The following USP3 variants were observed in gnomAD, a reference collection of about 807,000 sequenced individuals.
USP3 encodes ubiquitin carboxyl-terminal hydrolase 3.
Under a neutral mutation model 72.3 loss-of-function variants are expected in USP3, and 20 were observed. That is an observed-to-expected ratio of 0.28 (90% CI 0.19 to 0.40). The LOEUF is 0.40. Among genes scored for constraint, USP3 ranks in the 10% least tolerant of loss-of-function variants. The pLI is 1.00. For synonymous variants in USP3, 222 were observed against 225.3 expected (o/e 0.99, Z 0.13); for missense variants, 479 against 633.9 (o/e 0.76, Z 2.62).
intron 3 of USP3, among the ~76,000 whole-genome samples, chr15:63,552,193 A>C (rs1229746582): frequency 1.3e-5 from 2 of 152,204 alleles, no homozygotes; most frequent in Non-Finnish European, 2.9e-5. Context: ...TTCAAACTAC[A>C]TGCATAAATT....
Position 63,541,939 on chromosome 15 carries a change from T to C in USP3, c.284+4783T>C, listed in dbSNP as rs146375823. ...TTTATTTATTTATTTTTGGTATTAG[T>C]GTTATGCATGGCTTACTGTATAAAG... On this transcript the variant is annotated intron_variant, in intron 3 of 14. Transcript: ENST00000380324. 9.4e-4 allele frequency: 375 copies of C among 399,018 alleles called. 2 individuals carry two copies. Among genetic ancestry groups the C allele is most frequent in the African/African-American group, 7.8e-3 (359 of 46,002 alleles). The allele number at this position is 399,018 out of a possible 1,614,324, so 24.7% of individuals were successfully genotyped here.
intron 14 of USP3, among the ~76,000 whole-genome samples, chr15:63,589,926 C>CTT (rs2067155943): frequency 6.7e-6 from 1 of 149,382 alleles, no homozygotes; most frequent in East Asian, 1.9e-4. Flanking sequence ...ACAACTTTTT[C>CTT]GTAACAGCCT....
At chr15:63,581,406 T>G (rs974711247) in intron 11 of USP3, among the ~76,000 whole-genome samples, 1 of 147,246 alleles carries the variant, frequency 6.8e-6, no homozygotes, top group African/African-American at 2.5e-5. Context: ...TGTGTTTAGA[T>G]GGAGTCTTGC....
chr15:63,567,017 T>C (rs2066701400), intron 8 of USP3, among the ~76,000 whole-genome samples: 1 of 152,238 alleles, frequency 6.6e-6, no homozygotes, highest in African/African-American at 2.4e-5. Flanking sequence ...ATACAATATA[T>C]ACAGATTATA....
chr15:63,539,153 G>C (rs1224223348), intron 3 of USP3, among the ~76,000 whole-genome samples: 1 of 151,416 alleles, frequency 6.6e-6, no homozygotes, highest in African/African-American at 2.4e-5. Context: ...TTATATACTA[G>C]AGTGATGTGG....
At position 63,559,854 on chromosome 15, in the gene USP3, T is replaced by C. The variant is rs754928291; in HGVS notation, c.534-3T>C. The C allele has an allele frequency of 8.7e-6, 14 of 1,609,860 alleles. No individual in the cohort carries two copies. The highest frequency in any genetic ancestry group is 1.6e-4 in the Middle Eastern group (1 of 6,070). On this transcript the variant is annotated splice_polypyrimidine_tract_variant and splice_region_variant and intron_variant, in intron 6 of 14. Coordinates refer to ENST00000380324, the MANE Select transcript of USP3 (RefSeq NM_006537.4). Reference sequence around the variant, plus strand: ...AAATATTTTTCCCTTCCTTTTAAAATAGTAACATTGAGCAGTTTTGCTGTT... The same window carrying C: ...AAATATTTTTCCCTTCCTTTTAAAACAGTAACATTGAGCAGTTTTGCTGTT...
At chr15:63,580,989 T>C (rs1484876422) in intron 11 of USP3, among the ~76,000 whole-genome samples, 1 of 151,928 alleles carries the variant, frequency 6.6e-6, no homozygotes, top group Admixed American at 6.6e-5. Flanking sequence ...TTGTACTTAA[T>C]AGAGATGGGG....
At chr15:63,568,137 G>A (rs1467357257) in intron 8 of USP3, among the ~76,000 whole-genome samples, 2 of 151,932 alleles carry the variant, frequency 1.3e-5, no homozygotes, top group Non-Finnish European at 2.9e-5. Context: ...GGCGGATCAC[G>A]AGTCAGGAGA....
chr15:63,515,031 A>G (rs1027885562), intron 1 of USP3, among the ~76,000 whole-genome samples: 5 of 152,192 alleles, frequency 3.3e-5, no homozygotes, highest in African/African-American at 1.2e-4. Context: ...TGAGCTCCTA[A>G]TAATTTTTTG....
chr15:63,594,330 T>G lies in USP3; in HGVS notation c.*3504T>G, dbSNP rs1338121770. 6.6e-6 allele frequency: 1 copy of G among 151,996 alleles called. No individual in the cohort carries two copies. The highest frequency in any genetic ancestry group is 1.5e-5 in the Non-Finnish European group (1 of 68,024). The allele number at this position is 151,996 out of a possible 1,614,324, so 9.4% of individuals were successfully genotyped here. On this transcript the variant is annotated 3_prime_UTR_variant, in exon 15 of 15. Transcript: ENST00000380324. ...GGCCTGGGTCCCAGGTGACTAGGAG[T>G]AGCCATAGGAAGGTGAGGAAGGAGA...
At chr15:63,537,516 C>G (rs539876868) in intron 3 of USP3, among the ~76,000 whole-genome samples, 13 of 152,170 alleles carry the variant, frequency 8.5e-5, no homozygotes, top group African/African-American at 2.9e-4. Flanking sequence ...ACCCATGTTC[C>G]TCCTGTCCCT....
At chr15:63,582,736 G>T (rs1179538654) in intron 11 of USP3, among the ~76,000 whole-genome samples, 1 of 152,200 alleles carries the variant, frequency 6.6e-6, no homozygotes, top group African/African-American at 2.4e-5. Flanking sequence ...GATGCTGGGA[G>T]AAGGCATAAA....
chr15:63,556,568 A>G (rs2066512414), intron 4 of USP3, 99 bp from the exon 5 acceptor site: 2 of 857,192 alleles, frequency 2.3e-6, no homozygotes, highest in Non-Finnish European at 1.7e-6. Flanking sequence ...GGAGGTCTCC[A>G]TGCCCTAGGT....
intron 1 of USP3, among the ~76,000 whole-genome samples, chr15:63,524,171 A>G (rs2065950869): frequency 6.6e-6 from 1 of 152,250 alleles, no homozygotes; most frequent in African/African-American, 2.4e-5. Flanking sequence ...GTGATACACA[A>G]AGATTTAGTC....
In USP3 at chr15:63,560,363, C is replaced by T. The variant is rs559488717; in HGVS notation, c.647+393C>T. The stretch of plus-strand genomic sequence containing the variant: ...CCCAAGAGGCAGAGGTTGCGGTGAG[C>T]CGAGATCGCGCCACTGCCCTCCAGC... On this transcript the variant is annotated intron_variant, in intron 7 of 14. Transcript: ENST00000380324. Among the ~76,000 whole-genome samples the T allele has an allele frequency of 7.9e-5, 12 of 151,058 alleles. No homozygotes were observed. The South Asian group carries it at 2.5e-3, about 32-fold the overall frequency.
chr15:63,545,563 A>C (rs1463230475), intron 3 of USP3, among the ~76,000 whole-genome samples: 3 of 151,968 alleles, frequency 2.0e-5, no homozygotes, highest in African/African-American at 7.3e-5. Flanking sequence ...ACCCTAGTAC[A>C]ATTTTCAAGT....
intron 1 of USP3, among the ~76,000 whole-genome samples, chr15:63,508,818 G>C (rs2065746779): frequency 6.6e-6 from 1 of 152,146 alleles, no homozygotes; most frequent in African/African-American, 2.4e-5. Context: ...TAGTAGGATA[G>C]GCATGCTAAT....
chr15:63,584,980 C>T (rs922659494), intron 11 of USP3, among the ~76,000 whole-genome samples: 2 of 152,030 alleles, frequency 1.3e-5, no homozygotes, highest in South Asian at 2.1e-4. Context: ...TACCTAGTTT[C>T]CCCAGCACCA....
rs1357544880 is a variant in USP3, at chr15:63,593,912, A to G, written c.*3086A>G. On this transcript the variant is annotated 3_prime_UTR_variant, in exon 15 of 15. Transcript: ENST00000380324. ...AGAAAACTTTCTCAGAAGTCCCCAC[A>G]CGGGTGGGTGACAGAAACAGTTTGT... 1 of 152,242 alleles carries G rather than the reference A, an allele frequency of 6.6e-6. No individual in the cohort carries two copies. Among genetic ancestry groups the G allele is most frequent in the African/African-American group, 2.4e-5 (1 of 41,456 alleles). The allele number at this position is 152,242 out of a possible 1,614,324, so 9.4% of individuals were successfully genotyped here.
Sources: allele counts gnomAD v4.1 joint callset (sites outside exome capture counted in the v4.1 genomes callset), GRCh38; gene constraint gnomAD v4.1.1; transcripts MANE v1.5; gene names NCBI Gene and HGNC (gene_info 2026-07-23, HGNC 2026-07-21).